BRINP3: variants seen among roughly 807,000 people sequenced by gnomAD.
The protein encoded by BRINP3 is BMP/retinoic acid inducible neural specific 3.
In BRINP3, 19 loss-of-function variants were observed where a neutral mutation model predicts 71.0. The observed-to-expected ratio is 0.27, with a 90% confidence interval of 0.19 to 0.39. The LOEUF is 0.39. Among genes scored for constraint, BRINP3 ranks in the 10% least tolerant of loss-of-function variants. The pLI, the probability that BRINP3 is intolerant of heterozygous loss-of-function variation, is 1.00. For synonymous variants in BRINP3, 380 were observed against 337.7 expected, an observed-to-expected ratio of 1.13 and a Z score of -1.37; for missense variants, 959 against 940.8, an observed-to-expected ratio of 1.02 and a Z score of -0.25.
intron 5 of BRINP3, among the ~76,000 whole-genome samples, chr1:190,232,997 A>C: frequency 6.6e-6 from 1 of 152,210 alleles, no homozygotes; most frequent in East Asian, 1.9e-4. Flanking sequence ...ATAACATTTA[A>C]ATTGTTAAAG....
At chr1:190,238,447 T>G (rs1658734427) in intron 4 of BRINP3, among the ~76,000 whole-genome samples, 1 of 152,012 alleles carries the variant, frequency 6.6e-6, no homozygotes. Context: ...TATAAATAAA[T>G]TCTACAAACT....
At chr1:190,227,704 G>A (rs969443319) in intron 5 of BRINP3, among the ~76,000 whole-genome samples, 10 of 151,846 alleles carry the variant, frequency 6.6e-5, no homozygotes. Flanking sequence ...GTGCTGAAGA[G>A]TGATACATTA....
chr1:190,145,792 G>T (rs1472846839), intron 7 of BRINP3, among the ~76,000 whole-genome samples: 1 of 151,954 alleles, frequency 6.6e-6, no homozygotes, highest in African/African-American at 2.4e-5. Flanking sequence ...ATCAACCAAA[G>T]GGTGAATAAA....
intron 6 of BRINP3, among the ~76,000 whole-genome samples, chr1:190,163,292 A>G (rs1651180413): frequency 6.6e-6 from 1 of 152,138 alleles, no homozygotes; most frequent in Non-Finnish European, 1.5e-5. Context: ...ATTTGCTTTT[A>G]AAGTGGAAAA....
At chr1:190,279,180 T>C (rs1009314797) in intron 3 of BRINP3, among the ~76,000 whole-genome samples, 2 of 151,866 alleles carry the variant, frequency 1.3e-5, no homozygotes, top group African/African-American at 4.8e-5. Flanking sequence ...ACTCAAATTT[T>C]ACCTTTCAGA....
Position 190,418,883 on chromosome 1 carries a change from G to A in BRINP3, c.236+35772C>T, listed in dbSNP as rs371490617. 1.2e-4 allele frequency among the ~76,000 whole-genome samples: 18 copies of A among 152,120 alleles called. No individual in the cohort carries two copies. The South Asian group carries it at 3.7e-3, about 32-fold the overall frequency. ...GTATTGTTTTCAAGCCCAAACTAATGTACGATGGATTTTTATTAAAAATAT... is the reference window on the plus strand; with the variant it reads ...GTATTGTTTTCAAGCCCAAACTAATATACGATGGATTTTTATTAAAAATAT... On this transcript the variant is annotated intron_variant, in intron 2 of 7. Coordinates refer to ENST00000367462, the MANE Select transcript of BRINP3 (RefSeq NM_199051.3).
intron 4 of BRINP3, among the ~76,000 whole-genome samples, chr1:190,250,644 T>C (rs556010619): frequency 6.6e-6 from 1 of 152,088 alleles, no homozygotes; most frequent in South Asian, 2.1e-4. Context: ...TAAGAGACTC[T>C]CCAAGTACTG....
chr1:190,138,973 A>T (rs1321548236), intron 7 of BRINP3, among the ~76,000 whole-genome samples: 1 of 152,150 alleles, frequency 6.6e-6, no homozygotes, highest in African/African-American at 2.4e-5. Flanking sequence ...TGCTGGGTTT[A>T]GAATCAACCC....
chr1:190,473,390 G>A (rs1677272693), intron 1 of BRINP3, among the ~76,000 whole-genome samples: 1 of 151,776 alleles, frequency 6.6e-6, no homozygotes, highest in Admixed American at 6.6e-5. Context: ...AGCCATACTA[G>A]CAGAAAAATT....
chr1:190,130,722 G>A (rs73054801), intron 7 of BRINP3, among the ~76,000 whole-genome samples: 1 of 151,942 alleles, frequency 6.6e-6, no homozygotes, highest in Non-Finnish European at 1.5e-5. Flanking sequence ...TTGCATCCAG[G>A]TATAGCCACG....
intron 2 of BRINP3, among the ~76,000 whole-genome samples, chr1:190,395,680 C>G (rs757032898): frequency 2.0e-5 from 3 of 151,692 alleles, no homozygotes; most frequent in Non-Finnish European, 4.4e-5. Context: ...TACAAAAAAC[C>G]TACCTTCATT....
chr1:190,324,790 A>G (rs141103987), intron 2 of BRINP3, among the ~76,000 whole-genome samples: 1 of 151,922 alleles, frequency 6.6e-6, no homozygotes, highest in Admixed American at 6.6e-5. Context: ...TATTTTTGTC[A>G]TAAGTTTAGT....
intron 1 of BRINP3, among the ~76,000 whole-genome samples, chr1:190,460,406 T>C (rs943142932): frequency 4.0e-5 from 6 of 151,894 alleles, no homozygotes; most frequent in Non-Finnish European, 5.9e-5. Flanking sequence ...AATACATAAT[T>C]GTGTAAGTAA....
intron 1 of BRINP3, among the ~76,000 whole-genome samples, chr1:190,456,371 G>C (rs561367889): frequency 6.6e-6 from 1 of 152,116 alleles, no homozygotes; most frequent in Middle Eastern, 3.2e-3. Flanking sequence ...GGATTAAAGC[G>C]TACCGTCTTT....
chr1:190,460,201 AC>A (rs1676291224), intron 1 of BRINP3, among the ~76,000 whole-genome samples: 1 of 151,378 alleles, frequency 6.6e-6, no homozygotes, highest in Non-Finnish European at 1.5e-5. Flanking sequence ...TTCAAATAAT[AC>A]GATACATATT....
At chr1:190,398,548 TATC>T (rs1341268863) in intron 2 of BRINP3, among the ~76,000 whole-genome samples, 13 of 152,014 alleles carry the variant, frequency 8.6e-5, no homozygotes, top group African/African-American at 3.1e-4. Flanking sequence ...GTATAATTTC[TATC>T]ATATTATCCT....
At chr1:190,218,855 C>A (rs548880390) in intron 6 of BRINP3, among the ~76,000 whole-genome samples, 1 of 152,158 alleles carries the variant, frequency 6.6e-6, no homozygotes, top group South Asian at 2.1e-4. Flanking sequence ...CTTCCTAAAT[C>A]TATTTACCCT....
intron 2 of BRINP3, among the ~76,000 whole-genome samples, chr1:190,330,623 T>G (rs1351028531): frequency 1.3e-5 from 2 of 151,972 alleles, no homozygotes; most frequent in African/African-American, 4.8e-5. Flanking sequence ...AGCAATCCCA[T>G]TACTGGGTAT....
chr1:190,234,030 A>C (rs1658269791), intron 5 of BRINP3, among the ~76,000 whole-genome samples: 1 of 152,288 alleles, frequency 6.6e-6, no homozygotes, highest in Admixed American at 6.5e-5. Flanking sequence ...TACAACTTTC[A>C]CAAGAATCTT....
Sources: allele counts gnomAD v4.1 joint callset (sites outside exome capture counted in the v4.1 genomes callset), GRCh38; gene constraint gnomAD v4.1.1; transcripts MANE v1.5; gene names NCBI Gene and HGNC (gene_info 2026-07-23, HGNC 2026-07-21).